The following ARID3A variants were observed in gnomAD, a reference collection of about 807,000 sequenced individuals.
ARID3A encodes the protein AT-rich interactive domain-containing protein 3A.
A neutral mutation model predicts 52.7 loss-of-function variants in ARID3A; 11 were observed. The ratio of observed to expected loss-of-function variants is 0.21; its 90% CI spans 0.13 to 0.35. The LOEUF is 0.35. Among genes scored for constraint, ARID3A ranks in the 10% least tolerant of loss-of-function variants. The probability of loss-of-function intolerance (pLI) is 1.00; values close to 1 mark genes in which losing one functional copy is unlikely to be tolerated. For missense variants in ARID3A, 721 were observed against 838.5 expected (o/e 0.86, Z 1.73); for synonymous variants, 404 against 359.4 (o/e 1.12, Z -1.40).
In ARID3A at chr19:974,087, C is replaced by A; in HGVS notation, c.*2022C>A. 4.4e-6 allele frequency: 1 copy of A among 226,420 alleles called. No homozygotes were observed. The highest frequency in any genetic ancestry group is 8.8e-6 in the Non-Finnish European group (1 of 113,830). The allele number at this position is 226,420 out of a possible 1,614,324, so 14.0% of individuals were successfully genotyped here. The stretch of plus-strand genomic sequence containing the variant: ...CATGGGGGCTTGGTGAGGAAGGGGA[C>A]TCCCCAGCTCCCCCCACTCCCAACC... On this transcript the variant is annotated 3_prime_UTR_variant, in exon 9 of 9. Coordinates refer to ENST00000263620, the MANE Select transcript of ARID3A (RefSeq NM_005224.3).
At chr19:953,552 G>C (rs572449158) in intron 3 of ARID3A, among the ~76,000 whole-genome samples, 2 of 152,180 alleles carry the variant, frequency 1.3e-5, no homozygotes, top group East Asian at 3.9e-4. Flanking sequence ...GAGCCACGGA[G>C]TGTGTCTTGC....
At chr19:946,731 G>T (rs541495275) in intron 3 of ARID3A, among the ~76,000 whole-genome samples, 35 of 152,144 alleles carry the variant, frequency 2.3e-4, no homozygotes, top group African/African-American at 8.4e-4. Context: ...GTGAGCCACC[G>T]TCCCCGGCTA....
chr19:949,342 C>A (rs2037756108), intron 3 of ARID3A, among the ~76,000 whole-genome samples: 1 of 152,046 alleles, frequency 6.6e-6, no homozygotes, highest in South Asian at 2.1e-4. Flanking sequence ...GTCATCTCAG[C>A]CTCTGCCCCG....
intron 8 of ARID3A, among the ~76,000 whole-genome samples, chr19:970,742 G>A: frequency 6.6e-6 from 1 of 151,842 alleles, no homozygotes; most frequent in East Asian, 1.9e-4. Flanking sequence ...CAAAGTGCTG[G>A]GATTACAGGC....
rs57620894 is a variant in ARID3A, at chr19:972,801, C to CAAAAAAAAAAAAAAAAAAAAAAA, written c.*744_*766dup. 1 of 74,964 alleles carries CAAAAAAAAAAAAAAAAAAAAAAA rather than the reference C, an allele frequency of 1.3e-5. No homozygotes were observed. Among genetic ancestry groups the CAAAAAAAAAAAAAAAAAAAAAAA allele is most frequent in the African/African-American group, 6.0e-5 (1 of 16,652 alleles). 4.6% of individuals were successfully genotyped at this position (74,964 alleles called of 1,614,324 possible). On this transcript the variant is annotated 3_prime_UTR_variant, in exon 9 of 9. Transcript: ENST00000263620. ...GTCTTGAAAAAGCAAGAAAAAAAAG[C>CAAAAAAAAAAAAAAAAAAAAAAA]AAAAAAAAAAAAAAAAAAAAAAAAA...
chr19:937,643 C>G (rs896093511), intron 3 of ARID3A, among the ~76,000 whole-genome samples: 28 of 151,840 alleles, frequency 1.8e-4, no homozygotes, highest in Non-Finnish European at 3.7e-4. Flanking sequence ...TACCTTCCCA[C>G]CAGCCACAGA....
At chr19:927,357 T>A (rs1422684960) in intron 1 of ARID3A, among the ~76,000 whole-genome samples, 2 of 149,702 alleles carry the variant, frequency 1.3e-5, no homozygotes, top group Non-Finnish European at 1.5e-5. Flanking sequence ...AGTTTAGGGT[T>A]ATGGCGGCGA....
At position 947,338 on chromosome 19, in the gene ARID3A, G is replaced by T. The variant is rs978150207; in HGVS notation, c.694-12754G>T. On this transcript the variant is annotated intron_variant, in intron 3 of 8. Transcript: ENST00000263620. The surrounding 1 kb of genome is among the most constrained non-coding windows in gnomAD (Gnocchi z 6.3). ...TCCACGTCATATCTCGCCGCCATGG[G>T]GCTGCCTCCTGCCTCCTCTGCACCA... Among the ~76,000 whole-genome samples the T allele has an allele frequency of 6.6e-6, 1 of 152,134 alleles. No individual in the cohort carries two copies. Among genetic ancestry groups the T allele is most frequent in the African/African-American group, 2.4e-5 (1 of 41,404 alleles).
intron 3 of ARID3A, among the ~76,000 whole-genome samples, chr19:936,476 C>T (rs2037441171): frequency 6.6e-6 from 1 of 151,856 alleles, no homozygotes; most frequent in Middle Eastern, 3.2e-3. Flanking sequence ...CCCAGGAGGA[C>T]AAGGCTGCAG....
At chr19:937,873 A>AT (rs1379077187) in intron 3 of ARID3A, among the ~76,000 whole-genome samples, 2 of 151,246 alleles carry the variant, frequency 1.3e-5, no homozygotes, top group Admixed American at 1.3e-4. Flanking sequence ...CGCCCAGCTA[A>AT]TTTTTTTGTA....
intron 3 of ARID3A, among the ~76,000 whole-genome samples, chr19:957,617 G>A (rs1414590058): frequency 6.6e-6 from 1 of 152,224 alleles, no homozygotes; most frequent in Non-Finnish European, 1.5e-5. Flanking sequence ...AACACGTGAG[G>A]ATCGAGGGAG....
rs772133293 is a variant in ARID3A at position 966,788 on chromosome 19, G to A, written c.1415G>A (p.Arg472Gln). Residue 472 changes from arginine to glutamine, a missense_variant, in exon 7 of 9, where the codon CGG (arginine) becomes CAG (glutamine). Coordinates refer to ENST00000263620, the MANE Select transcript of ARID3A (RefSeq NM_005224.3). ...KMALVADEQQ[R>Q]LMQRALQQNF... ...GCCCTGGTGGCCGATGAGCAGCAAC[G>A]GCTGATGCAACGTGCACTCCAGCAG... The A allele has an allele frequency of 1.7e-5, 28 of 1,613,548 alleles. No homozygotes were observed. The highest frequency in any genetic ancestry group is 1.6e-4 in the Middle Eastern group (1 of 6,084).
At chr19:955,836 C>T (rs529888974) in intron 3 of ARID3A, among the ~76,000 whole-genome samples, 6 of 152,306 alleles carry the variant, frequency 3.9e-5, no homozygotes, top group East Asian at 3.9e-4. Flanking sequence ...CGGGGGGCTG[C>T]GTAACGAAGG....
chr19:963,319 G>C (rs1599422488), intron 4 of ARID3A, among the ~76,000 whole-genome samples: 3 of 152,230 alleles, frequency 2.0e-5, no homozygotes, highest in Non-Finnish European at 1.5e-5. Flanking sequence ...GCCACTGAGT[G>C]CTGGGACCCC....
rs1442091315 is a variant in ARID3A, at chr19:972,069, C to T, written c.*4C>T. 2 of 1,524,774 alleles carry T rather than the reference C, an allele frequency of 1.3e-6. No individual in the cohort carries two copies. Among genetic ancestry groups the T allele is most frequent in the Non-Finnish European group, 8.8e-7 (1 of 1,138,348 alleles). 94.5% of individuals were successfully genotyped at this position (1,524,774 alleles called of 1,614,324 possible). A position where few individuals can be genotyped will look rare whatever the true frequency, so the allele number is the denominator to read the frequency against. ...CTCAAATAACTCGTTGCCTTAACCG[C>T]ATCACTCCCCACCCGCCACCCACCC... On this transcript the variant is annotated 3_prime_UTR_variant, in exon 9 of 9. Transcript: ENST00000263620.
Position 974,371 on chromosome 19 carries a change from G to A in ARID3A, c.*2306G>A, listed in dbSNP as rs2038339704. ...AGCAGCACAATCACCCCGGGAAGGG[G>A]GTGTCTGTTTGCCTCCAGACACAAT... On this transcript the variant is annotated 3_prime_UTR_variant, in exon 9 of 9. Transcript: ENST00000263620. The A allele has an allele frequency of 4.4e-6, 1 of 229,752 alleles. No individual in the cohort carries two copies. Among genetic ancestry groups the A allele is most frequent in the Admixed American group, 5.7e-5 (1 of 17,674 alleles). The allele number at this position is 229,752 out of a possible 1,614,324, so 14.2% of individuals were successfully genotyped here.
Position 974,919 on chromosome 19 carries a change from G to A in ARID3A, c.*2854G>A, listed in dbSNP as rs568569589. On this transcript the variant is annotated 3_prime_UTR_variant, in exon 9 of 9. Transcript: ENST00000263620. ...GGTCCCGGCCCAGGAGAAGGAAGTC[G>A]CTGAAGGCAGTGGCCATGCTGGCCG... 2.1e-4 allele frequency: 48 copies of A among 228,072 alleles called. No homozygotes were observed. The South Asian group carries it at 7.5e-3, about 36-fold the overall frequency. 14.1% of individuals were successfully genotyped at this position (228,072 alleles called of 1,614,324 possible). A position where few individuals can be genotyped will look rare whatever the true frequency, so the allele number is the denominator to read the frequency against.
intron 3 of ARID3A, among the ~76,000 whole-genome samples, chr19:953,860 G>A (rs1351011315): frequency 6.6e-6 from 1 of 152,202 alleles, no homozygotes; most frequent in Non-Finnish European, 1.5e-5. Context: ...GATCACTTAA[G>A]GCCAGGAGTT....
rs1278225763 is a variant in ARID3A, at chr19:968,490, C to T, written c.1581C>T (p.Gly527=). The part of the protein sequence containing the change: ...NSISMSVEIN[G]IMYTGVLFAQ... ...TCAGCATGTCGGTGGAGATCAACGG[C>T]ATCATGTACACAGGTAGGACCCCTG... The change falls in exon 8 of 9, where the codon GGC becomes GGT. Residue 527 remains glycine, a synonymous_variant. Coordinates refer to ENST00000263620, the MANE Select transcript of ARID3A (RefSeq NM_005224.3). The T allele has an allele frequency of 1.3e-5, 21 of 1,613,928 alleles. No individual in the cohort carries two copies. Among genetic ancestry groups the T allele is most frequent in the Non-Finnish European group, 1.6e-5 (19 of 1,179,950 alleles).
Sources: gnomAD v4.1 joint callset for allele counts (sites outside exome capture counted in the v4.1 genomes callset) on GRCh38, gnomAD v4.1.1 for gene constraint, Gnocchi (gnomAD v3.1) non-coding constraint, MANE v1.5 for transcripts, NCBI Gene and HGNC (gene_info 2026-07-23, HGNC 2026-07-21) for gene names.